Variants in CIRBP observed in about 807,000 individuals in gnomAD.
CIRBP encodes the protein cold inducible RNA binding protein, also known as cold-inducible RNA-binding protein.
A neutral mutation model predicts 22.3 loss-of-function variants in CIRBP; 11 were observed. The observed-to-expected ratio is 0.49, with a 90% confidence interval of 0.31 to 0.82. The LOEUF is 0.82. Among genes scored for constraint, CIRBP ranks in the 40% least tolerant of loss-of-function variants. The pLI is 0.05. For missense variants in CIRBP, 456 were observed against 402.7 expected (o/e 1.13, Z -1.13); for synonymous variants, 216 against 158.8 (o/e 1.36, Z -2.71).
chr19:1,270,829 A>G, intron 1 of CIRBP, 99 bp from the exon 2 acceptor site: 2 of 826,806 alleles, frequency 2.4e-6, no homozygotes, highest in Non-Finnish European at 4.1e-6. Context: ...ATTTTCTAAT[A>G]TTTCCCCTAA....
At position 1,272,218 on chromosome 19, in the gene CIRBP, A is replaced by T. The variant is rs768121384; in HGVS notation, c.669A>T (p.Gln223His). Reference sequence around the variant, plus strand: ...AGAGCCATTTCTATCGCAGGACGCAAAAGCCAAATGAGACTGACCAAAAAG... The same window carrying T: ...AGAGCCATTTCTATCGCAGGACGCATAAGCCAAATGAGACTGACCAAAAAG... ...SSQSHFYRRT[Q>H]KPNETDQKGK... The change falls in exon 6 of 6, where the codon CAA becomes CAT. Residue 223 changes from glutamine to histidine, a missense_variant. Transcript: ENST00000587896. 7 of 1,595,606 alleles carry T rather than the reference A, an allele frequency of 4.4e-6. No individual in the cohort carries two copies. The East Asian group carries it at 1.6e-4, about 36-fold the overall frequency.
intron 1 of CIRBP, chr19:1,270,020 GGCCATTCCCA>G (rs777477454): frequency 1.9e-6 from 1 of 519,784 alleles, no homozygotes; most frequent in Non-Finnish European, 3.8e-6. Context: ...ACTGGGTGGC[GGCCATTCCCA>G]GCCAGTGAAT....
chr19:1,270,081 A>G (rs1600016289), intron 1 of CIRBP: 1 of 519,788 alleles, frequency 1.9e-6, no homozygotes, highest in Non-Finnish European at 3.8e-6. Context: ...TTAAATAGCC[A>G]GTTCTCCTAA....
chr19:1,272,632 C>T lies in CIRBP; in HGVS notation c.*189C>T, dbSNP rs929642605. On this transcript the variant is annotated 3_prime_UTR_variant, in exon 6 of 6. Transcript: ENST00000587896. ...GGGATGGCCTCGTTACTAGACTTTT[C>T]TTTTTAAGGAAGTGCTGTTTTTTTT... The T allele has an allele frequency of 8.3e-6, 4 of 480,268 alleles. No individual in the cohort carries two copies. Among genetic ancestry groups the T allele is most frequent in the Non-Finnish European group, 1.5e-5 (4 of 269,002 alleles). 29.8% of individuals were successfully genotyped at this position (480,268 alleles called of 1,614,324 possible). A position where few individuals can be genotyped will look rare whatever the true frequency, so the allele number is the denominator to read the frequency against.
intron 1 of CIRBP, chr19:1,270,238 C>A (rs895376173): frequency 5.6e-5 from 22 of 395,648 alleles, no homozygotes; most frequent in South Asian, 9.0e-5. Flanking sequence ...GCCAGCCCCC[C>A]CCCCAGTCTC....
At chr19:1,270,897 CT>C (rs2081328553) in intron 1 of CIRBP, 30 bp from the exon 2 acceptor site, 1 of 1,421,112 alleles carries the variant, frequency 7.0e-7, no homozygotes, top group Non-Finnish European at 1.0e-6. Context: ...GAGATGACCC[CT>C]GTTGAGGATT....
intron 1 of CIRBP, chr19:1,270,171 T>C (rs1774029328): frequency 2.0e-6 from 1 of 501,922 alleles, no homozygotes; most frequent in Middle Eastern, 3.2e-4. Flanking sequence ...AGGTCCTGGC[T>C]ATGGAAGTCA....
Position 1,271,358 on chromosome 19 carries a change from C to T in CIRBP, c.240C>T (p.Asp80=), listed in dbSNP as rs1384670417. ...KSVDGRQIRV[D]QAGKSSDNRS... ...TAGATGGACGGCAGATCCGAGTAGA[C>T]CAGGCAGGCAAGTCGTCAGACAACC... The change falls in exon 4 of 6, where the codon GAC becomes GAT. Residue 80 remains aspartate, a synonymous_variant. Transcript: ENST00000587896. 33 of 1,613,986 alleles carry T rather than the reference C, an allele frequency of 2.0e-5. No individual in the cohort carries two copies. The highest frequency in any genetic ancestry group is 2.7e-5 in the Non-Finnish European group (32 of 1,180,020).
rs1600033610 is a variant in CIRBP at position 1,273,768 on chromosome 19, T to C, written c.*1325T>C. ...CCTCTTGTTGAGAGCTCACTGAAAG[T>C]CATGTGCCCGGGGAATGTTCCTGTG... is the stretch of plus-strand genomic sequence containing the variant. On this transcript the variant is annotated 3_prime_UTR_variant, in exon 6 of 6. Coordinates refer to ENST00000587896, the MANE Select transcript of CIRBP (RefSeq NM_001300829.2). The C allele has an allele frequency of 6.6e-6, 1 of 152,296 alleles. No homozygotes were observed. The highest frequency in any genetic ancestry group is 2.1e-4 in the South Asian group (1 of 4,838). The allele number at this position is 152,296 out of a possible 1,614,324, so 9.4% of individuals were successfully genotyped here.
In CIRBP at chr19:1,274,589, A is replaced by G. The variant is rs1600036502; in HGVS notation, c.*2146A>G. 3 of 331,644 alleles carry G rather than the reference A, an allele frequency of 9.0e-6. No individual in the cohort carries two copies. The highest frequency in any genetic ancestry group is 1.1e-5 in the Non-Finnish European group (2 of 183,764). 20.5% of individuals were successfully genotyped at this position (331,644 alleles called of 1,614,324 possible). ...TGGGTGCAGGGCAGCGCCTCCCGGG[A>G]GCGCCGGGTCCCCCGCCTGGAGCCC... is the stretch of plus-strand genomic sequence containing the variant. On this transcript the variant is annotated 3_prime_UTR_variant, in exon 6 of 6. Transcript: ENST00000587896.
chr19:1,272,171 G>A lies in CIRBP; in HGVS notation c.622G>A (p.Glu208Lys), dbSNP rs2145533040. ...TLRPCHCACPEEAHLSSQSHF... is the reference protein window; with the variant it reads ...TLRPCHCACPKEAHLSSQSHF... ...CAGACCTTGTCACTGTGCTTGCCCA[G>A]AAGAGGCGCATCTGTCCTCTCAGAG... Residue 208 changes from glutamate (E) to lysine (K), a missense_variant, in exon 6 of 6, where the codon GAA (glutamate) becomes AAA (lysine). Transcript: ENST00000587896. 1 of 1,604,436 alleles carries A rather than the reference G, an allele frequency of 6.2e-7. No homozygotes were observed. The highest frequency in any genetic ancestry group is 1.1e-5 in the South Asian group (1 of 90,508).
rs897927531 is a variant in CIRBP, at chr19:1,271,618, A to G, written c.417A>G (p.Arg139=). Residue 139 remains arginine, a synonymous_variant, in exon 5 of 6, where the codon AGA becomes AGG. Coordinates refer to ENST00000587896, the MANE Select transcript of CIRBP (RefSeq NM_001300829.2). The part of the protein sequence containing the change: ...ESRSGGYGGS[R]DYYSSRSQSG... ...GGAGTGGGGGCTACGGAGGCTCCAG[A>G]GACTACTATAGCAGGTGAGGGGGAG... 25 of 1,546,146 alleles carry G rather than the reference A, an allele frequency of 1.6e-5. No homozygotes were observed. Among genetic ancestry groups the G allele is most frequent in the Non-Finnish European group, 1.8e-5 (20 of 1,142,270 alleles).
intron 5 of CIRBP, 162 bp from the exon 6 acceptor site, chr19:1,271,819 G>A: frequency 1.4e-6 from 1 of 730,482 alleles, no homozygotes; most frequent in Non-Finnish European, 2.3e-6. Context: ...CTGGGGGACA[G>A]GCTGGTGGAG....
intron 1 of CIRBP, among the ~76,000 whole-genome samples, chr19:1,270,450 G>A (rs1444075951): frequency 1.3e-5 from 2 of 152,158 alleles, no homozygotes; most frequent in Non-Finnish European, 2.9e-5. Flanking sequence ...CTTGGGGGTG[G>A]ATGGAGTAAA....
chr19:1,270,019 C>T (rs1428833904), intron 1 of CIRBP: 4 of 519,774 alleles, frequency 7.7e-6, no homozygotes, highest in South Asian at 1.4e-5. Flanking sequence ...CACTGGGTGG[C>T]GGCCATTCCC....
intron 5 of CIRBP, 49 bp from the exon 6 acceptor site, chr19:1,271,932 C>T: frequency 2.6e-6 from 4 of 1,520,402 alleles, no homozygotes; most frequent in Non-Finnish European, 3.6e-6. Context: ...TGTGGCAGAG[C>T]AGAAGTAGAC....
intron 1 of CIRBP, chr19:1,270,009 C>T (rs1241760006): frequency 1.9e-6 from 1 of 519,788 alleles, no homozygotes; most frequent in Non-Finnish European, 3.8e-6. Context: ...TTCTCAGAGC[C>T]ACTGGGTGGC....
chr19:1,270,816 C>G, intron 1 of CIRBP, 112 bp from the exon 2 acceptor site: 1 of 802,924 alleles, frequency 1.2e-6, no homozygotes, highest in African/African-American at 1.7e-5. Flanking sequence ...AAATAAAAAT[C>G]TGATTTTCTA....
chr19:1,269,353 T>G lies in CIRBP; in HGVS notation c.-64T>G, dbSNP rs913682496. The G allele has an allele frequency of 6.6e-6, 1 of 151,542 alleles. No homozygotes were observed. Among genetic ancestry groups the G allele is most frequent in the African/African-American group, 2.4e-5 (1 of 41,146 alleles). 9.4% of individuals were successfully genotyped at this position (151,542 alleles called of 1,614,324 possible). On this transcript the variant is annotated 5_prime_UTR_variant, in exon 1 of 6. Coordinates refer to ENST00000587896, the MANE Select transcript of CIRBP (RefSeq NM_001300829.2). ...CCCCCTCACTCGCGCGTTAGGAGGCTCGGGTCGTTGTGGTGCGCTGTCTTC... is the reference window on the plus strand; with the variant it reads ...CCCCCTCACTCGCGCGTTAGGAGGCGCGGGTCGTTGTGGTGCGCTGTCTTC...
Sources: allele counts gnomAD v4.1 joint callset (sites outside exome capture counted in the v4.1 genomes callset), GRCh38; gene constraint gnomAD v4.1.1; transcripts MANE v1.5; gene names NCBI Gene and HGNC (gene_info 2026-07-23, HGNC 2026-07-21).